TUBGCP2: variants seen among roughly 807,000 people sequenced by gnomAD.
The protein encoded by TUBGCP2 is tubulin gamma complex component 2, also known as gamma-tubulin complex component 2.
A neutral mutation model predicts 92.2 loss-of-function variants in TUBGCP2; 55 were observed. The ratio of observed to expected loss-of-function variants is 0.60; its 90% CI spans 0.48 to 0.75. TUBGCP2 has a LOEUF of 0.75. TUBGCP2 is among the 30% of genes least tolerant of loss of function. TUBGCP2 has a pLI of 0.00. For synonymous variants in TUBGCP2, 533 were observed against 505.2 expected (o/e 1.06, Z -0.74); for missense variants, 1,093 against 1,188.9 (o/e 0.92, Z 1.19).
At chr10:133,310,390 T>C, upstream of TUBGCP2, 1 of 1,443,380 alleles carries the variant, frequency 6.9e-7, no homozygotes, top group Non-Finnish European at 9.4e-7. Flanking sequence ...AGCACTTGTG[T>C]GTCACCTAAT....
chr10:133,284,530 T>C (rs929590265), intron 13 of TUBGCP2, among the ~76,000 whole-genome samples: 2 of 151,950 alleles, frequency 1.3e-5, no homozygotes, highest in Non-Finnish European at 2.9e-5. Context: ...TTAAAATAAT[T>C]TTCTTTTTTT....
chr10:133,305,781 C>T (rs1847800794), intron 1 of TUBGCP2, among the ~76,000 whole-genome samples: 1 of 152,196 alleles, frequency 6.6e-6, no homozygotes, highest in Non-Finnish European at 1.5e-5. Context: ...GATAAGAAGG[C>T]ATGGTGCTGA....
chr10:133,308,622 C>T, intron 1 of TUBGCP2: 1 of 182,966 alleles, frequency 5.5e-6, no homozygotes, highest in Non-Finnish European at 1.1e-5. Flanking sequence ...GGCTGAGTGT[C>T]GGGCCGCGGG....
intron 2 of TUBGCP2, among the ~76,000 whole-genome samples, chr10:133,301,196 T>G (rs912188247): frequency 5.9e-5 from 9 of 152,200 alleles, no homozygotes; most frequent in African/African-American, 2.2e-4. Flanking sequence ...TGGCGTGATC[T>G]AGGCTCACCG....
At chr10:133,286,847 C>T (rs769964783) in intron 11 of TUBGCP2, among the ~76,000 whole-genome samples, 3 of 152,132 alleles carry the variant, frequency 2.0e-5, no homozygotes, top group Admixed American at 6.5e-5. Flanking sequence ...GAAATTATGA[C>T]GCTAGGGGAT....
Position 133,296,626 on chromosome 10 carries a change from C to T in TUBGCP2, c.616+1326G>A, listed in dbSNP as rs181717542. ...CTGAGTAGCTGGGACTACAGGTGCA[C>T]GCTACCACACTCGGCTAATTTTCAC... On this transcript the variant is annotated intron_variant, in intron 5 of 17. Transcript: ENST00000252936. Among the ~76,000 whole-genome samples, 367 of 152,148 alleles carry T rather than the reference C, an allele frequency of 2.4e-3. 2 individuals carry two copies. The highest frequency in any genetic ancestry group is 2.7e-3 in the Non-Finnish European group (184 of 68,018).
chr10:133,311,264 G>A (rs1289213536), upstream of TUBGCP2, among the ~76,000 whole-genome samples: 1 of 152,154 alleles, frequency 6.6e-6, no homozygotes, highest in Admixed American at 6.5e-5. Flanking sequence ...CCACTGCAAT[G>A]TGGGAGGCTT....
At chr10:133,310,092 A>C, upstream of TUBGCP2, 1 of 1,611,308 alleles carries the variant, frequency 6.2e-7, no homozygotes. Context: ...CGCCCTTGGC[A>C]GCTCTGCTAC....
chr10:133,285,081 G>A lies in TUBGCP2; in HGVS notation c.2024+4C>T, dbSNP rs373269327. The stretch of plus-strand genomic sequence containing the variant: ...GGGCATGCGGGGGCAGAGGAAGAAC[G>A]CACCACTGGGCGGAGTGCAGCGAGT... On this transcript the variant is annotated splice_donor_region_variant and intron_variant, in intron 13 of 17. Transcript: ENST00000252936. The surrounding 1 kb of genome is among the most constrained non-coding windows in gnomAD (Gnocchi z 6.8). 15 of 1,597,812 alleles carry A rather than the reference G, an allele frequency of 9.4e-6. No individual in the cohort carries two copies. Among genetic ancestry groups the A allele is most frequent in the South Asian group, 5.5e-5 (5 of 90,338 alleles).
intron 9 of TUBGCP2, 27 bp downstream of exon 9, chr10:133,289,797 C>CCCACGTCCCCGCCCGCTGCGCCGCGGACG (rs1847229332): frequency 6.8e-6 from 1 of 147,556 alleles, no homozygotes; most frequent in African/African-American, 5.8e-5. Context: ...TGCTGCGCAC[C>CCCACGTCCCCGCCCGCTGCGCCGCGGACG]CCAAGTCCCC....
At position 133,279,784 on chromosome 10, in the gene TUBGCP2, G is replaced by C; in HGVS notation, c.2691C>G (p.Val897=). 6.4e-7 allele frequency: 1 copy of C among 1,562,500 alleles called. No individual in the cohort carries two copies. Among genetic ancestry groups the C allele is most frequent in the African/African-American group, 1.4e-5 (1 of 73,592 alleles). Residue 897 remains valine, a synonymous_variant, in exon 18 of 18, where the codon GTC becomes GTG. Transcript: ENST00000252936. Reference sequence around the variant, plus strand: ...CCAGGGCTCACTGTGCGGTGACTGCGACCCTGGGTGCAGGAGCCGGGGGCC... The same window carrying C: ...CCAGGGCTCACTGTGCGGTGACTGCCACCCTGGGTGCAGGAGCCGGGGGCC... ...LRGPPAPAPR[V]AVTAQ is the part of the protein sequence containing the mutation.
intron 5 of TUBGCP2, chr10:133,297,198 T>TC (rs1564771091): frequency 3.3e-6 from 1 of 300,334 alleles, no homozygotes; most frequent in African/African-American, 2.3e-5. Context: ...GGTCAGGAGT[T>TC]CGAGACCAGT....
At chr10:133,281,025 G>A (rs1285140700) in intron 17 of TUBGCP2, among the ~76,000 whole-genome samples, 1 of 147,196 alleles carries the variant, frequency 6.8e-6, no homozygotes, top group African/African-American at 2.5e-5. Flanking sequence ...GCTGGGCAGG[G>A]GCAGGTGCTG....
chr10:133,282,160 G>A (rs1464934849), intron 16 of TUBGCP2, 63 bp downstream of exon 16: 23 of 1,606,904 alleles, frequency 1.4e-5, no homozygotes, highest in Non-Finnish European at 1.8e-5. Context: ...GCGTCAGGAT[G>A]CCCAGGCTGC....
intron 1 of TUBGCP2, among the ~76,000 whole-genome samples, chr10:133,303,605 C>T (rs895025523): frequency 5.9e-5 from 9 of 152,344 alleles, no homozygotes; most frequent in African/African-American, 2.2e-4. Context: ...CCGGCACACA[C>T]AGTAACATCC....
In TUBGCP2 at chr10:133,281,285, CTGGCCATGCCG is replaced by C; in HGVS notation, c.2550_2560del (p.His850GlnfsTer7). The C allele has an allele frequency of 6.2e-7, 1 of 1,611,472 alleles. No homozygotes were observed. Among genetic ancestry groups the C allele is most frequent in the Non-Finnish European group, 8.5e-7 (1 of 1,179,858 alleles). On this transcript the variant is annotated frameshift_variant, in exon 17 of 18. Transcript: ENST00000252936. LOFTEE classifies it high-confidence loss of function. ...GGCGCCCACCCACCTGGAGATGACG[CTGGCCATGCCG>C]TGCTCACAGTCACTGGTGCTATAGA...
In TUBGCP2 at chr10:133,293,026, G is replaced by C. The variant is rs377752072; in HGVS notation, c.1024+13C>G. On this transcript the variant is annotated intron_variant, in intron 7 of 17. Transcript: ENST00000252936. ...ACCCACCACTGCCCCATGCCCCCCG[G>C]GCGGGCACGCACCGAGGGAGGCCAG... is the stretch of plus-strand genomic sequence containing the variant. The C allele has an allele frequency of 6.2e-7, 1 of 1,611,480 alleles. No homozygotes were observed. Among genetic ancestry groups the C allele is most frequent in the African/African-American group, 1.3e-5 (1 of 74,876 alleles).
chr10:133,310,240 A>C, upstream of TUBGCP2: 1 of 1,614,018 alleles, frequency 6.2e-7, no homozygotes, highest in East Asian at 2.2e-5. Flanking sequence ...GTGAGGATGC[A>C]CCTGTACCCC....
intron 17 of TUBGCP2, 33 bp from the exon 18 acceptor site, chr10:133,279,934 A>G (rs1163179054): frequency 1.3e-6 from 2 of 1,597,490 alleles, no homozygotes; most frequent in South Asian, 2.2e-5. Context: ...TGGGGTGCAC[A>G]CCCCTTCTGC....
Sources: gnomAD v4.1 joint callset for allele counts (sites outside exome capture counted in the v4.1 genomes callset) on GRCh38, gnomAD v4.1.1 for gene constraint, Gnocchi (gnomAD v3.1) non-coding constraint, MANE v1.5 for transcripts, NCBI Gene and HGNC (gene_info 2026-07-23, HGNC 2026-07-21) for gene names.